Variants in ZBTB14 observed in about 807,000 individuals in gnomAD.
ZBTB14 encodes zinc finger and BTB domain-containing protein 14.
ZBTB14 carries 8 observed loss-of-function variants against 29.5 expected under a neutral mutation model. The ratio of observed to expected loss-of-function variants is 0.27; its 90% CI spans 0.16 to 0.49. ZBTB14 has a LOEUF of 0.49. ZBTB14 is among the 20% of genes least tolerant of loss of function. The pLI is 0.99. For synonymous variants in ZBTB14, 226 were observed against 207.2 expected (o/e 1.09, Z -0.78); for missense variants, 333 against 563.8 (o/e 0.59, Z 4.15).
intron 2 of ZBTB14, 94 bp downstream of exon 2, chr18:5,293,878 T>G (rs967385047): frequency 6.6e-6 from 1 of 152,212 alleles, no homozygotes; most frequent in Non-Finnish European, 1.5e-5. Context: ...ACGTTTGTTT[T>G]TAAGATTGTA....
Position 5,291,367 on chromosome 18 carries a change from C to G in ZBTB14, c.841G>C (p.Ala281Pro). 6.2e-7 allele frequency: 1 copy of G among 1,614,234 alleles called. No homozygotes were observed. ...TCATCAGAAAACGTCTTCCCACACG[C>G]CTGGCAGGCAATCTGCTCCCGATGG... ...GHHREQIACQACGKTFSDEGR... is the reference protein window; with the variant it reads ...GHHREQIACQPCGKTFSDEGR... The change falls in exon 4 of 4, where the codon GCG becomes CCG. Residue 281 changes from alanine (A) to proline (P), a missense_variant. Ala to Pro is a conservative substitution (Grantham distance 27, BLOSUM62 -1). This residue lies in a region of ZBTB14 where 140 missense variants were observed against 274.6 expected (regional missense o/e 0.51). Transcript: ENST00000651870. The surrounding 1 kb of genome is among the most constrained non-coding windows in gnomAD (Gnocchi z 5.8).
rs576839347 is a variant in ZBTB14, at chr18:5,291,377, A to G, written c.831T>C (p.Ile277=). ...ACGTCTTCCCACACGCCTGGCAGGC[A>G]ATCTGCTCCCGATGGTGACCATAAA... ...YLLYGHHREQ[I]ACQACGKTFS... Residue 277 remains isoleucine (I), a synonymous_variant, in exon 4 of 4, where the codon ATT becomes ATC. Transcript: ENST00000651870. The surrounding 1 kb of genome is among the most constrained non-coding windows in gnomAD (Gnocchi z 5.8). The G allele has an allele frequency of 6.2e-7, 1 of 1,614,230 alleles. No homozygotes were observed. The highest frequency in any genetic ancestry group is 1.1e-5 in the South Asian group (1 of 91,088).
Position 5,291,758 on chromosome 18 carries a change from G to A in ZBTB14, c.450C>T (p.Arg150=), listed in dbSNP as rs762478865. Residue 150 remains arginine (R), a synonymous_variant, in exon 4 of 4, where the codon CGC becomes CGT. Transcript: ENST00000651870. The surrounding 1 kb of genome is among the most constrained non-coding windows in gnomAD (Gnocchi z 5.8). ...SKSKYCLKIN[R]PIGDAADTQD... is the part of the protein sequence containing the mutation. ...GGGTGTCAGCAGCATCTCCAATGGG[G>A]CGATTTATTTTAAGGCAATACTTAC... 1 of 1,614,068 alleles carries A rather than the reference G, an allele frequency of 6.2e-7. No individual in the cohort carries two copies. The highest frequency in any genetic ancestry group is 8.5e-7 in the Non-Finnish European group (1 of 1,179,986).
Position 5,291,918 on chromosome 18 carries a change from T to C in ZBTB14, c.290A>G (p.Lys97Arg). ...AACATCTTCTTTTTTCACGGAAATC[T>C]TTGCTGTGTACATGTAGTTCAGGAC... ...EEVLNYMYTA[K>R]ISVKKEDVNL... The change falls in exon 4 of 4, where the codon AAG becomes AGG. Residue 97 changes from lysine to arginine, a missense_variant. Lys to Arg is a conservative substitution (Grantham distance 26). Coordinates refer to ENST00000651870, the MANE Select transcript of ZBTB14 (RefSeq NM_001243702.2). The surrounding 1 kb of genome is among the most constrained non-coding windows in gnomAD (Gnocchi z 5.8). 1 of 1,614,220 alleles carries C rather than the reference T, an allele frequency of 6.2e-7. No homozygotes were observed. Among genetic ancestry groups the C allele is most frequent in the African/African-American group, 1.3e-5 (1 of 75,050 alleles).
In ZBTB14 at chr18:5,292,054, A is replaced by G. The variant is rs778378352; in HGVS notation, c.154T>C (p.Cys52Arg). Residue 52 changes from cysteine (C) to arginine (R), a missense_variant, in exon 4 of 4, where the codon TGT becomes CGT. Around this residue, in one of 3 missense-constraint regions of ZBTB14, gnomAD observed 67 missense variants for 157.0 expected, o/e 0.43. Transcript: ENST00000651870. ...TAAGTGCTGCAGGCAGCAAGAACAC[A>G]TCTGTGTGCTCTGAATTTCACATCC... ...VEDVKFRAHR[C>R]VLAACSTYFK... The G allele has an allele frequency of 6.2e-7, 1 of 1,612,684 alleles. No homozygotes were observed. Among genetic ancestry groups the G allele is most frequent in the Admixed American group, 1.7e-5 (1 of 60,012 alleles).
Position 5,291,104 on chromosome 18 carries a change from T to C in ZBTB14, c.1104A>G (p.Lys368=). 6.2e-7 allele frequency: 1 copy of C among 1,614,284 alleles called. No individual in the cohort carries two copies. Among genetic ancestry groups the C allele is most frequent in the Non-Finnish European group, 8.5e-7 (1 of 1,180,054 alleles). The change falls in exon 4 of 4, where the codon AAA becomes AAG. Residue 368 remains lysine (K), a synonymous_variant. Coordinates refer to ENST00000651870, the MANE Select transcript of ZBTB14 (RefSeq NM_001243702.2). This position sits in a 1 kb window ranked among gnomAD's most constrained non-coding sequence, Gnocchi z 5.8. ...ERPFACHMCD[K]AFKHKSHLKD... ...TGAGGTGAGACTTGTGTTTGAAGGC[T>C]TTGTCACACATGTGGCACGCAAACG...
At chr18:5,296,222 TGCGCAC>T (rs1401753348), upstream of ZBTB14, 2 of 150,686 alleles carry the variant, frequency 1.3e-5, no homozygotes, top group African/African-American at 4.9e-5. Context: ...GGCCCTGGCC[TGCGCAC>T]GCGCGCGCAC....
intron 1 of ZBTB14, among the ~76,000 whole-genome samples, chr18:5,295,100 C>G (rs1415591941): frequency 1.3e-5 from 2 of 150,732 alleles, no homozygotes; most frequent in Admixed American, 1.3e-4. Context: ...GGGACCGCGG[C>G]TCGGAGCGCG....
intron 1 of ZBTB14, chr18:5,294,799 AC>A (rs1331585012): frequency 6.6e-6 from 1 of 151,960 alleles, no homozygotes; most frequent in Non-Finnish European, 1.5e-5. Flanking sequence ...CCAAAAACTT[AC>A]ATAAGCAGCT....
chr18:5,296,542 C>T (rs1474002138), upstream of ZBTB14, among the ~76,000 whole-genome samples: 1 of 151,832 alleles, frequency 6.6e-6, no homozygotes, highest in African/African-American at 2.4e-5. Context: ...GGCGCCCCGG[C>T]CACTTTCGCC....
At position 5,290,808 on chromosome 18, in the gene ZBTB14, C is replaced by T. The variant is rs1263278559; in HGVS notation, c.*50G>A. 5.1e-6 allele frequency: 8 copies of T among 1,577,320 alleles called. No homozygotes were observed. The highest frequency in any genetic ancestry group is 1.2e-5 in the South Asian group (1 of 83,828). On this transcript the variant is annotated 3_prime_UTR_variant, in exon 4 of 4. Coordinates refer to ENST00000651870, the MANE Select transcript of ZBTB14 (RefSeq NM_001243702.2). ...ACTGGCATTCACTCATTATGATCCACGTCATCTCAGTCTCCACTTTCCAGG... is the reference window on the plus strand; with the variant it reads ...ACTGGCATTCACTCATTATGATCCATGTCATCTCAGTCTCCACTTTCCAGG...
chr18:5,295,509 A>T (rs1032363926), intron 1 of ZBTB14, 143 bp downstream of exon 1: 2 of 142,896 alleles, frequency 1.4e-5, no homozygotes, highest in African/African-American at 5.0e-5. Context: ...GGCGGCCATG[A>T]ACTCGGCCGC....
chr18:5,296,406 C>T (rs1343203948), upstream of ZBTB14, among the ~76,000 whole-genome samples: 1 of 148,752 alleles, frequency 6.7e-6, no homozygotes, highest in Non-Finnish European at 1.5e-5. Context: ...GCGCCCGGCG[C>T]CGGCGCAGCG....
Position 5,293,958 on chromosome 18 carries a change from G to C in ZBTB14, c.-82+14C>G, listed in dbSNP as rs1170204993. 5 of 152,176 alleles carry C rather than the reference G, an allele frequency of 3.3e-5. No homozygotes were observed. Among genetic ancestry groups the C allele is most frequent in the African/African-American group, 7.2e-5 (3 of 41,430 alleles). 9.4% of individuals were successfully genotyped at this position (152,176 alleles called of 1,614,324 possible). The stretch of plus-strand genomic sequence containing the variant: ...TGAAAGAATTTCAGCTTTTTTGTGA[G>C]TTTTAACTCTTACCGGAAGAACTCC... On this transcript the variant is annotated intron_variant, in intron 2 of 3. Coordinates refer to ENST00000651870, the MANE Select transcript of ZBTB14 (RefSeq NM_001243702.2).
rs956293949 is a variant in ZBTB14, at chr18:5,290,680, C to A, written c.*178G>T. On this transcript the variant is annotated 3_prime_UTR_variant, in exon 4 of 4. Coordinates refer to ENST00000651870, the MANE Select transcript of ZBTB14 (RefSeq NM_001243702.2). The stretch of plus-strand genomic sequence containing the variant: ...AGACAGTGAAACGGTTTGGTCAGAA[C>A]TGAGGAACACCATTTCCTTGAAAAG... 5 of 939,574 alleles carry A rather than the reference C, an allele frequency of 5.3e-6. No individual in the cohort carries two copies. The highest frequency in any genetic ancestry group is 7.7e-6 in the Non-Finnish European group (5 of 649,418). 58.2% of individuals were successfully genotyped at this position (939,574 alleles called of 1,614,324 possible). A position where few individuals can be genotyped will look rare whatever the true frequency, so the allele number is the denominator to read the frequency against.
chr18:5,295,591 C>A (rs2071939800), intron 1 of ZBTB14, 61 bp downstream of exon 1: 1 of 144,498 alleles, frequency 6.9e-6, no homozygotes. Flanking sequence ...CCGGCCCGCG[C>A]GGCCCCCGGG....
In ZBTB14 at chr18:5,291,949, C is replaced by G. The variant is rs555237306; in HGVS notation, c.259G>C (p.Glu87Gln). ...EIDFLRSDIF[E>Q]EVLNYMYTAK... Reference sequence around the variant, plus strand: ...GTGTACATGTAGTTCAGGACCTCTTCAAATATATCAGAACGAAGAAAATCT... The same window carrying G: ...GTGTACATGTAGTTCAGGACCTCTTGAAATATATCAGAACGAAGAAAATCT... Residue 87 changes from glutamate to glutamine, a missense_variant, in exon 4 of 4, where the codon GAA becomes CAA. Glu to Gln is a conservative substitution (Grantham distance 29). Around this residue, in one of 3 missense-constraint regions of ZBTB14, gnomAD observed 67 missense variants for 157.0 expected, o/e 0.43. Transcript: ENST00000651870. The surrounding 1 kb of genome is among the most constrained non-coding windows in gnomAD (Gnocchi z 5.8). 6.2e-7 allele frequency: 1 copy of G among 1,614,156 alleles called. No homozygotes were observed. The highest frequency in any genetic ancestry group is 8.5e-7 in the Non-Finnish European group (1 of 1,180,028).
At position 5,290,528 on chromosome 18, in the gene ZBTB14, T is replaced by C; in HGVS notation, c.*330A>G. 1 of 270,630 alleles carries C rather than the reference T, an allele frequency of 3.7e-6. No individual in the cohort carries two copies. The highest frequency in any genetic ancestry group is 7.9e-5 in the East Asian group (1 of 12,634). 16.8% of individuals were successfully genotyped at this position (270,630 alleles called of 1,614,324 possible). On this transcript the variant is annotated 3_prime_UTR_variant, in exon 4 of 4. Coordinates refer to ENST00000651870, the MANE Select transcript of ZBTB14 (RefSeq NM_001243702.2). ...GCAGGGCACTTGCTAGGGTGGTGAGTGTAAAGGAACTAAAAATGGAAGTCT... is the reference window on the plus strand; with the variant it reads ...GCAGGGCACTTGCTAGGGTGGTGAGCGTAAAGGAACTAAAAATGGAAGTCT...
At position 5,289,885 on chromosome 18, in the gene ZBTB14, C is replaced by A. The variant is rs1446038057; in HGVS notation, c.*973G>T. 1 of 152,328 alleles carries A rather than the reference C, an allele frequency of 6.6e-6. No individual in the cohort carries two copies. The highest frequency in any genetic ancestry group is 2.4e-5 in the African/African-American group (1 of 41,422). The allele number at this position is 152,328 out of a possible 1,614,324, so 9.4% of individuals were successfully genotyped here. A position where few individuals can be genotyped will look rare whatever the true frequency, so the allele number is the denominator to read the frequency against. ...CTCCTTTATGGATAAATCATGTGCC[C>A]CACAGAGCCCCAAAGCTTGATGACA... is the stretch of plus-strand genomic sequence containing the variant. On this transcript the variant is annotated 3_prime_UTR_variant, in exon 4 of 4. Transcript: ENST00000651870.
Sources: gnomAD v4.1 joint callset for allele counts (sites outside exome capture counted in the v4.1 genomes callset) on GRCh38, gnomAD v4.1.1 for gene constraint, gnomAD v4.1.1 regional missense constraint, Gnocchi (gnomAD v3.1) non-coding constraint, MANE v1.5 for transcripts, NCBI Gene and HGNC (gene_info 2026-07-23, HGNC 2026-07-21) for gene names.